HS3ST2: variants seen among roughly 807,000 people sequenced by gnomAD.
The protein encoded by HS3ST2 is heparan sulfate-glucosamine 3-sulfotransferase 2.
Under a neutral mutation model 26.3 loss-of-function variants are expected in HS3ST2, and 17 were observed. The observed-to-expected ratio is 0.65, with a 90% CI of 0.44 to 0.97. HS3ST2 has a LOEUF of 0.97. Among genes scored for constraint, HS3ST2 ranks in the 50% least tolerant of loss-of-function variants. The pLI is 0.00. For missense variants in HS3ST2, 402 were observed against 501.2 expected (o/e 0.80, Z 1.89); for synonymous variants, 237 against 219.2 (o/e 1.08, Z -0.72).
chr16:22,835,095 A>G, intron 1 of HS3ST2, among the ~76,000 whole-genome samples: 1 of 152,102 alleles, frequency 6.6e-6, no homozygotes, highest in East Asian at 1.9e-4. Context: ...CAGTGTGATC[A>G]TCTTCATCTT....
chr16:22,883,492 G>A (rs2080992093), intron 1 of HS3ST2, among the ~76,000 whole-genome samples: 1 of 152,216 alleles, frequency 6.6e-6, no homozygotes, highest in Non-Finnish European at 1.5e-5. Context: ...TGTAGGGTGG[G>A]TAGGAAGTCC....
intron 1 of HS3ST2, among the ~76,000 whole-genome samples, chr16:22,867,665 AT>A (rs1486819988): frequency 6.6e-6 from 1 of 152,172 alleles, no homozygotes; most frequent in Non-Finnish European, 1.5e-5. Flanking sequence ...TAATGATAGC[AT>A]TTTTTGCAGT....
At chr16:22,835,402 A>T (rs1183538146) in intron 1 of HS3ST2, among the ~76,000 whole-genome samples, 4 of 152,134 alleles carry the variant, frequency 2.6e-5, no homozygotes, top group Non-Finnish European at 2.9e-5. Context: ...CCTATTCCCC[A>T]ATTCTATCCA....
chr16:22,861,716 T>C (rs1226317193), intron 1 of HS3ST2, among the ~76,000 whole-genome samples: 1 of 152,164 alleles, frequency 6.6e-6, no homozygotes. Context: ...GCACATCTCT[T>C]ATTGTGGCCT....
chr16:22,906,213 T>C (rs1018862020), intron 1 of HS3ST2, among the ~76,000 whole-genome samples: 2 of 151,764 alleles, frequency 1.3e-5, no homozygotes, highest in African/African-American at 4.8e-5. Context: ...CTACTAAAAA[T>C]ACAAAAAATT....
At position 22,865,232 on chromosome 16, in the gene HS3ST2, T is replaced by C. The variant is rs923149859; in HGVS notation, c.486-49712T>C. Among the ~76,000 whole-genome samples the C allele has an allele frequency of 1.1e-4, 16 of 152,146 alleles. No individual in the cohort carries two copies. In the East Asian group the frequency reaches 2.9e-3, roughly 28 times the overall value. On this transcript the variant is annotated intron_variant, in intron 1 of 1. Coordinates refer to ENST00000261374, the MANE Select transcript of HS3ST2 (RefSeq NM_006043.2). ...GAAAAACTGAATATTCCAACAACCATTGGAGTATTTGTAAATAATGTCCAA... is the reference window on the plus strand; with the variant it reads ...GAAAAACTGAATATTCCAACAACCACTGGAGTATTTGTAAATAATGTCCAA...
intron 1 of HS3ST2, among the ~76,000 whole-genome samples, chr16:22,848,710 A>G (rs1901479640): frequency 6.6e-6 from 1 of 152,156 alleles, no homozygotes; most frequent in Non-Finnish European, 1.5e-5. Flanking sequence ...GGTCTCTTGG[A>G]AAAGTGCTCT....
intron 1 of HS3ST2, among the ~76,000 whole-genome samples, chr16:22,849,769 T>C (rs1901493650): frequency 6.6e-6 from 1 of 152,208 alleles, no homozygotes; most frequent in South Asian, 2.1e-4. Context: ...CTTTCAGATC[T>C]GCTTCCTCTG....
At chr16:22,862,592 G>A (rs1256085984) in intron 1 of HS3ST2, among the ~76,000 whole-genome samples, 1 of 152,184 alleles carries the variant, frequency 6.6e-6, no homozygotes, top group Non-Finnish European at 1.5e-5. Flanking sequence ...CTGCTGTCCT[G>A]TGGATCAGAG....
At chr16:22,829,040 CA>C (rs1433883193) in intron 1 of HS3ST2, among the ~76,000 whole-genome samples, 2 of 152,242 alleles carry the variant, frequency 1.3e-5, no homozygotes, top group African/African-American at 4.8e-5. Context: ...GGGCATCATT[CA>C]AATGGCAATT....
chr16:22,913,118 G>A (rs1189955154), intron 1 of HS3ST2, among the ~76,000 whole-genome samples: 3 of 102,566 alleles, frequency 2.9e-5, no homozygotes, highest in Admixed American at 1.2e-4. Context: ...AGAAAGAGAA[G>A]AAAGAAAGGA....
At chr16:22,908,530 G>A (rs1176742049) in intron 1 of HS3ST2, among the ~76,000 whole-genome samples, 1 of 152,118 alleles carries the variant, frequency 6.6e-6, no homozygotes, top group Non-Finnish European at 1.5e-5. Flanking sequence ...AGGTCAAGAG[G>A]CTCCATCTGG....
chr16:22,817,758 G>A (rs1281734881), intron 1 of HS3ST2, among the ~76,000 whole-genome samples: 1 of 152,192 alleles, frequency 6.6e-6, no homozygotes, highest in Non-Finnish European at 1.5e-5. Flanking sequence ...AAAGGGGGAG[G>A]TGCAGAGTTG....
intron 1 of HS3ST2, among the ~76,000 whole-genome samples, chr16:22,886,762 C>CT (rs982476622): frequency 1.3e-5 from 2 of 151,604 alleles, no homozygotes; most frequent in African/African-American, 4.8e-5. Flanking sequence ...GATTCCACTT[C>CT]TTTTTCTTTT....
intron 1 of HS3ST2, among the ~76,000 whole-genome samples, chr16:22,838,906 C>A (rs569998929): frequency 1.3e-5 from 2 of 152,268 alleles, no homozygotes; most frequent in South Asian, 4.2e-4. Context: ...CCAGTCCAGG[C>A]CATTGCTGCC....
intron 1 of HS3ST2, among the ~76,000 whole-genome samples, chr16:22,909,859 G>A (rs554324319): frequency 5.5e-4 from 83 of 152,140 alleles, no homozygotes; most frequent in African/African-American, 2.0e-3. Context: ...GACCAACCTG[G>A]TGAAACCCTG....
chr16:22,832,807 C>T (rs1387864405), intron 1 of HS3ST2, among the ~76,000 whole-genome samples: 1 of 151,446 alleles, frequency 6.6e-6, no homozygotes, highest in East Asian at 1.9e-4. Context: ...CCAAACAAGA[C>T]AGTTCACAAT....
At chr16:22,893,615 TTTTTTCTTTTTTTCTTTTC>T (rs1265166063) in intron 1 of HS3ST2, among the ~76,000 whole-genome samples, 2 of 135,950 alleles carry the variant, frequency 1.5e-5, no homozygotes, top group African/African-American at 5.5e-5. Context: ...GCAGCTTTTC[TTTTTTCTTTTTTTCTTTTC>T]TTTTTTTTTT....
At chr16:22,888,728 C>A (rs1387909107) in intron 1 of HS3ST2, among the ~76,000 whole-genome samples, 1 of 152,172 alleles carries the variant, frequency 6.6e-6, no homozygotes, top group Non-Finnish European at 1.5e-5. Flanking sequence ...TGACCATTTG[C>A]TCCTTCTGGA....
Sources: gnomAD v4.1 joint callset for allele counts (sites outside exome capture counted in the v4.1 genomes callset) on GRCh38, gnomAD v4.1.1 for gene constraint, MANE v1.5 for transcripts, NCBI Gene and HGNC (gene_info 2026-07-23, HGNC 2026-07-21) for gene names.